LMF1: variants seen among roughly 807,000 people sequenced by gnomAD.
LMF1 encodes transmembrane protein 112.
A neutral mutation model predicts 60.6 loss-of-function variants in LMF1; 68 were observed. That is an observed-to-expected ratio of 1.12 (90% CI 0.92 to 1.37). The LOEUF is 1.37. Ranked by LOEUF, LMF1 falls within the 40% of genes most tolerant of loss-of-function variation. The probability of loss-of-function intolerance (pLI) is 0.00; values close to 1 mark genes in which losing one functional copy is unlikely to be tolerated. For synonymous variants in LMF1, 418 were observed against 324.7 expected, an observed-to-expected ratio of 1.29 and a Z score of -3.09; for missense variants, 948 against 767.2, an observed-to-expected ratio of 1.24 and a Z score of -2.78.
At chr16:857,114 G>T (rs974908358) in intron 10 of LMF1, among the ~76,000 whole-genome samples, 1 of 152,246 alleles carries the variant, frequency 6.6e-6, no homozygotes, top group Admixed American at 6.5e-5. Flanking sequence ...CCTCCTCGTC[G>T]CTGACCGGCG....
At chr16:975,846 T>TGGGCGGCCAGGGCCC (rs1174931644), upstream of LMF1, 1 of 454,034 alleles carries the variant, frequency 2.2e-6, no homozygotes, top group Non-Finnish European at 4.4e-6. Flanking sequence ...GGTCAGGGCC[T>TGGGCGGCCAGGGCCC]GGGCGGCCAG....
chr16:978,397 TA>T (rs539041894), intron 1 of LMF1, among the ~76,000 whole-genome samples: 77 of 151,982 alleles, frequency 5.1e-4, no homozygotes, highest in African/African-American at 1.7e-3. Flanking sequence ...TCGCCATCCC[TA>T]GGAGCCACGG....
chr16:952,316 C>A (rs1372835229), intron 2 of LMF1, among the ~76,000 whole-genome samples: 1 of 151,928 alleles, frequency 6.6e-6, no homozygotes, highest in Non-Finnish European at 1.5e-5. Context: ...GGACCCCCCC[C>A]CACAGGTGCC....
chr16:854,845 G>C lies in LMF1; in HGVS notation c.1530-139C>G, dbSNP rs1401728023. ...GCTGCATGAGGAGCCCCCACCCTGA[G>C]CACAGGTAGACCCCCAGCAGACCCC... On this transcript the variant is annotated intron_variant, in intron 10 of 10. Coordinates refer to ENST00000262301, the MANE Select transcript of LMF1 (RefSeq NM_022773.4). 5.1e-6 allele frequency: 4 copies of C among 788,578 alleles called. No homozygotes were observed. In the East Asian group the frequency reaches 1.1e-4, roughly 21 times the overall value. 48.8% of individuals were successfully genotyped at this position (788,578 alleles called of 1,614,324 possible).
At chr16:966,483 G>C (rs2072925699) in intron 1 of LMF1, among the ~76,000 whole-genome samples, 1 of 152,238 alleles carries the variant, frequency 6.6e-6, no homozygotes, top group South Asian at 2.1e-4. Flanking sequence ...CACACATAAA[G>C]TCAGTCTGCA....
intron 3 of LMF1, among the ~76,000 whole-genome samples, chr16:917,765 G>T (rs901788417): frequency 6.6e-6 from 1 of 152,160 alleles, no homozygotes; most frequent in Non-Finnish European, 1.5e-5. Flanking sequence ...TGCTGTGCTC[G>T]CCCGGCACCC....
Position 942,181 on chromosome 16 carries a change from G to C in LMF1, c.504-7927C>G, listed in dbSNP as rs189227893. ...TTTTGAAGGATATTGTCACTGGATA[G>C]AACTCTGGGTTGACAATCGTTTTTC... On this transcript the variant is annotated intron_variant, in intron 2 of 10. Transcript: ENST00000262301. Among the ~76,000 whole-genome samples, 322 of 152,326 alleles carry C rather than the reference G, an allele frequency of 2.1e-3. 2 individuals carry two copies. Among genetic ancestry groups the C allele is most frequent in the African/African-American group, 7.1e-3 (294 of 41,574 alleles).
At position 868,776 on chromosome 16, in the gene LMF1, C is replaced by CG. The variant is rs746232858; in HGVS notation, c.1529+167dup. The stretch of plus-strand genomic sequence containing the variant: ...CCTTGATGCCAAGGCTGATGTGGGG[C>CG]GGGGGGGGGGGGCCCTTTTTGCTCC... On this transcript the variant is annotated intron_variant, in intron 10 of 10. Transcript: ENST00000262301. Among the ~76,000 whole-genome samples, 6,421 of 49,780 alleles carry CG rather than the reference C, an allele frequency of 0.13. 218 individuals carry two copies. Among genetic ancestry groups the CG allele is most frequent in the Non-Finnish European group, 0.22 (4,113 of 19,056 alleles). 32.7% of individuals were successfully genotyped at this position (49,780 alleles called of 152,430 possible).
At chr16:933,777 C>T (rs891407860) in intron 3 of LMF1, 11 of 395,512 alleles carry the variant, frequency 2.8e-5, no homozygotes, top group Non-Finnish European at 4.6e-5. Context: ...TGGCTGCCCT[C>T]TTCCCACCCT....
Position 897,802 on chromosome 16 carries a change from G to C in LMF1, c.664-4730C>G, listed in dbSNP as rs1308600717. 6.6e-6 allele frequency among the ~76,000 whole-genome samples: 1 copy of C among 152,192 alleles called. No homozygotes were observed. Among genetic ancestry groups the C allele is most frequent in the East Asian group, 1.9e-4 (1 of 5,200 alleles). On this transcript the variant is annotated intron_variant, in intron 4 of 10. Coordinates refer to ENST00000262301, the MANE Select transcript of LMF1 (RefSeq NM_022773.4). The surrounding 1 kb of genome is among the most constrained non-coding windows in gnomAD (Gnocchi z 4.3). ...CAGCTGCAGCAGGGGTGGTGCCTGG[G>C]GTCCCGCCTGGCTCCGTGGCTTTCC...
At chr16:948,127 A>G (rs2072295919) in intron 2 of LMF1, among the ~76,000 whole-genome samples, 1 of 149,114 alleles carries the variant, frequency 6.7e-6, no homozygotes, top group Admixed American at 6.7e-5. Flanking sequence ...CAGTCAGCCA[A>G]CGACAAAGTC....
At chr16:900,708 TG>T (rs2070786412) in intron 4 of LMF1, 4 of 150,632 alleles carry the variant, frequency 2.7e-5, no homozygotes, top group South Asian at 2.1e-4. Flanking sequence ...TGTGTGTGTG[TG>T]TGTGTGTGTG....
At chr16:966,482 A>G (rs1207729336) in intron 1 of LMF1, among the ~76,000 whole-genome samples, 1 of 152,242 alleles carries the variant, frequency 6.6e-6, no homozygotes, top group Non-Finnish European at 1.5e-5. Flanking sequence ...CCACACATAA[A>G]GTCAGTCTGC....
chr16:883,944 C>T (rs928420157), intron 5 of LMF1: 1 of 152,152 alleles, frequency 6.6e-6, no homozygotes, highest in Non-Finnish European at 1.5e-5. Flanking sequence ...TCCTTATTTT[C>T]TATCTACCTG....
In LMF1 at chr16:963,239, G is replaced by T. The variant is rs893936440; in HGVS notation, c.193+7549C>A. ...ACTGCCTCCACCACTGGGTGGAAGG[G>T]ACCTGAGCTGTGAGCGCTGACCTCC... On this transcript the variant is annotated intron_variant, in intron 1 of 10. Coordinates refer to ENST00000262301, the MANE Select transcript of LMF1 (RefSeq NM_022773.4). Among the ~76,000 whole-genome samples the T allele has an allele frequency of 5.3e-4, 81 of 152,076 alleles. 1 individual carries two copies. The highest frequency in any genetic ancestry group is 1.0e-4 in the Non-Finnish European group (7 of 68,006).
intron 2 of LMF1, 129 bp downstream of exon 2, chr16:954,228 T>G (rs1160163212): frequency 2.9e-6 from 3 of 1,025,618 alleles, no homozygotes; most frequent in Non-Finnish European, 4.4e-6. Context: ...CTAAGTAAAA[T>G]GACAATACCC....
intron 10 of LMF1, among the ~76,000 whole-genome samples, chr16:859,125 T>C (rs1227581614): frequency 8.5e-6 from 1 of 117,512 alleles, no homozygotes; most frequent in Non-Finnish European, 1.6e-5. Flanking sequence ...TCGGGACGGG[T>C]GTGCACTGAT....
chr16:883,627 T>G (rs1002395047), intron 5 of LMF1, among the ~76,000 whole-genome samples: 5 of 152,252 alleles, frequency 3.3e-5, no homozygotes, highest in African/African-American at 1.2e-4. Context: ...CTCGTACCCG[T>G]GTAAGCCTCC....
chr16:906,492 C>T (rs1446194166), intron 4 of LMF1, among the ~76,000 whole-genome samples: 4 of 152,174 alleles, frequency 2.6e-5, no homozygotes, highest in East Asian at 3.8e-4. Context: ...GTGCTGGACG[C>T]CTCCTGCCCT....
Sources: allele counts gnomAD v4.1 joint callset (sites outside exome capture counted in the v4.1 genomes callset), GRCh38; gene constraint gnomAD v4.1.1; non-coding constraint Gnocchi (gnomAD v3.1); transcripts MANE v1.5; gene names NCBI Gene and HGNC (gene_info 2026-07-23, HGNC 2026-07-21).